The following DCAF1 variants were observed in gnomAD, a reference collection of about 807,000 sequenced individuals.
DCAF1 encodes DDB1 and CUL4 associated factor 1, also known as DDB1- and CUL4-associated factor 1.
Under a neutral mutation model 128.0 loss-of-function variants are expected in DCAF1, and 15 were observed. The ratio of observed to expected loss-of-function variants is 0.12; its 90% CI spans 0.08 to 0.18. The LOEUF (loss-of-function observed/expected upper bound fraction) is 0.18. DCAF1 is among the 10% of genes least tolerant of loss of function. The pLI, the probability that DCAF1 is intolerant of heterozygous loss-of-function variation, is 1.00. For missense variants in DCAF1, 988 were observed against 1,649.5 expected (o/e 0.60, Z 6.95); for synonymous variants, 610 against 603.0 (o/e 1.01, Z -0.17).
intron 2 of DCAF1, among the ~76,000 whole-genome samples, chr3:51,491,080 T>G (rs1577327034): frequency 6.7e-6 from 1 of 148,368 alleles, no homozygotes; most frequent in African/African-American, 2.5e-5. Context: ...TCAGGCGCAG[T>G]GGCTCACACC....
chr3:51,452,902 C>A (rs914396427), intron 6 of DCAF1, among the ~76,000 whole-genome samples: 1 of 151,748 alleles, frequency 6.6e-6, no homozygotes, highest in Admixed American at 6.6e-5. Flanking sequence ...GTAATCCCAG[C>A]TACTCAGGAA....
chr3:51,406,867 A>C (rs2090151146), intron 23 of DCAF1, among the ~76,000 whole-genome samples: 1 of 152,144 alleles, frequency 6.6e-6, no homozygotes, highest in Non-Finnish European at 1.5e-5. Context: ...AAACCTAATA[A>C]GCTCTCCATC....
At chr3:51,478,501 T>C (rs782668623) in intron 3 of DCAF1, among the ~76,000 whole-genome samples, 1 of 152,200 alleles carries the variant, frequency 6.6e-6, no homozygotes, top group Non-Finnish European at 1.5e-5. Context: ...AACAAGTGAA[T>C]GAATCCACAT....
chr3:51,397,887 T>C lies in DCAF1; in HGVS notation c.*882A>G, dbSNP rs1487450245. On this transcript the variant is annotated 3_prime_UTR_variant, in exon 25 of 25. Transcript: ENST00000684031. ...TTATTTTGTATTTTTTTTAAATAAA[T>C]ACACTTTACATTAAAGAAAAAGGCC... is the stretch of plus-strand genomic sequence containing the variant. 1 of 166,676 alleles carries C rather than the reference T, an allele frequency of 6.0e-6. No individual in the cohort carries two copies. Among genetic ancestry groups the C allele is most frequent in the Non-Finnish European group, 1.5e-5 (1 of 68,102 alleles). The allele number at this position is 166,676 out of a possible 1,614,324, so 10.3% of individuals were successfully genotyped here. A position where few individuals can be genotyped will look rare whatever the true frequency, so the allele number is the denominator to read the frequency against.
chr3:51,400,171 A>G (rs1241881837), intron 24 of DCAF1, among the ~76,000 whole-genome samples: 1 of 152,232 alleles, frequency 6.6e-6, no homozygotes, highest in Non-Finnish European at 1.5e-5. Context: ...GGTGAAGAGT[A>G]GGAAAACAAG....
chr3:51,466,321 C>G (rs1704124321), intron 5 of DCAF1, among the ~76,000 whole-genome samples: 1 of 152,180 alleles, frequency 6.6e-6, no homozygotes, highest in Non-Finnish European at 1.5e-5. Context: ...CCCACGTTCT[C>G]AAGCATCATG....
intron 23 of DCAF1, among the ~76,000 whole-genome samples, chr3:51,407,092 T>C (rs1359557703): frequency 1.5e-5 from 2 of 136,040 alleles, no homozygotes; most frequent in Non-Finnish European, 1.5e-5. Flanking sequence ...CTTGGGAGGC[T>C]GAGACAGAAG....
Position 51,441,466 on chromosome 3 carries a change from A to G in DCAF1, c.945T>C (p.Asn315=). 6.2e-7 allele frequency: 1 copy of G among 1,613,996 alleles called. No individual in the cohort carries two copies. Among genetic ancestry groups the G allele is most frequent in the Non-Finnish European group, 8.5e-7 (1 of 1,179,892 alleles). The change falls in exon 8 of 25, where the codon AAT becomes AAC. Residue 315 remains asparagine (N), a synonymous_variant. Coordinates refer to ENST00000684031, the MANE Select transcript of DCAF1 (RefSeq NM_001387579.1). ...SEMSPWVIGT[N]YTLYPMTPAI... is the part of the protein sequence containing the mutation. The stretch of plus-strand genomic sequence containing the variant: ...CAGGAGTCATAGGATAAAGGGTATA[A>G]TTGGTGCCAATCACCCAGGGAGACA...
At chr3:51,439,523 C>T (rs1291254010) in intron 9 of DCAF1, among the ~76,000 whole-genome samples, 5 of 147,146 alleles carry the variant, frequency 3.4e-5, no homozygotes, top group Admixed American at 1.4e-4. Context: ...CTCACTGCAA[C>T]GTCCACCTCC....
intron 6 of DCAF1, among the ~76,000 whole-genome samples, chr3:51,451,960 T>C (rs777015004): frequency 1.3e-5 from 2 of 152,082 alleles, no homozygotes; most frequent in African/African-American, 4.8e-5. Flanking sequence ...TTCATACATA[T>C]AATGTATGGA....
intron 9 of DCAF1, among the ~76,000 whole-genome samples, chr3:51,434,701 C>T (rs1202609395): frequency 2.0e-5 from 3 of 152,182 alleles, no homozygotes; most frequent in African/African-American, 7.2e-5. Flanking sequence ...AGTATCTAAA[C>T]AAGTATATTT....
Position 51,420,269 on chromosome 3 carries a change from G to C in DCAF1, c.2701C>G (p.Arg901Gly), listed in dbSNP as rs782350067. Residue 901 changes from arginine to glycine, a missense_variant, in exon 15 of 25, where the codon CGA becomes GGA. By Grantham distance (125) the Arg-to-Gly change is moderately radical. Coordinates refer to ENST00000684031, the MANE Select transcript of DCAF1 (RefSeq NM_001387579.1). The surrounding 1 kb of genome is among the most constrained non-coding windows in gnomAD (Gnocchi z 6.5). ...ATGCCATTAGCGATACGAGGGGTTC[G>C]GGGTAGAGAGACAGGAGAAGCAGCA... ...TAAASPVSLP[R>G]TPRIANGIAT... 1.2e-6 allele frequency: 2 copies of C among 1,614,024 alleles called. No homozygotes were observed. Among genetic ancestry groups the C allele is most frequent in the South Asian group, 1.1e-5 (1 of 91,086 alleles).
chr3:51,419,374 T>A (rs1699189810), intron 15 of DCAF1, among the ~76,000 whole-genome samples: 3 of 151,182 alleles, frequency 2.0e-5, no homozygotes, highest in Middle Eastern at 3.4e-3. Context: ...AAAAAAAAAA[T>A]TCCCATGTTT....
At chr3:51,475,747 G>C (rs1276433235) in intron 3 of DCAF1, among the ~76,000 whole-genome samples, 1 of 152,206 alleles carries the variant, frequency 6.6e-6, no homozygotes, top group Non-Finnish European at 1.5e-5. Flanking sequence ...TGTAGTCCCA[G>C]CTACTCAGGA....
chr3:51,477,508 C>A (rs1705618189), intron 3 of DCAF1, among the ~76,000 whole-genome samples: 1 of 151,576 alleles, frequency 6.6e-6, no homozygotes, highest in Non-Finnish European at 1.5e-5. Flanking sequence ...GTAGCATGCA[C>A]CCCAGCCACT....
intron 4 of DCAF1, among the ~76,000 whole-genome samples, chr3:51,470,039 T>A (rs1176781186): frequency 3.0e-4 from 45 of 151,534 alleles, no homozygotes; most frequent in Admixed American, 3.0e-3. Context: ...ATAATAATAA[T>A]AAATAAGCCC....
upstream of DCAF1, among the ~76,000 whole-genome samples, chr3:51,503,392 G>A (rs1274838426): frequency 4.6e-5 from 7 of 151,940 alleles, no homozygotes. Flanking sequence ...TCCTTCTCCC[G>A]CTCCCATCCT....
chr3:51,456,162 G>A (rs1249796263), intron 6 of DCAF1, among the ~76,000 whole-genome samples: 2 of 152,176 alleles, frequency 1.3e-5, no homozygotes, highest in Non-Finnish European at 2.9e-5. Context: ...CCTAGTCAAA[G>A]AAATCGGTGA....
chr3:51,403,466 G>A (rs550593902), intron 23 of DCAF1, 71 bp from the exon 24 acceptor site: 32 of 1,521,212 alleles, frequency 2.1e-5, no homozygotes, highest in East Asian at 9.8e-5. Flanking sequence ...ATGGCGGGTC[G>A]ACCAAAGAGA....
Sources: allele counts gnomAD v4.1 joint callset (sites outside exome capture counted in the v4.1 genomes callset), GRCh38; gene constraint gnomAD v4.1.1; non-coding constraint Gnocchi (gnomAD v3.1); transcripts MANE v1.5; gene names NCBI Gene and HGNC (gene_info 2026-07-23, HGNC 2026-07-21).